Variants in IL22RA1 observed in about 807,000 individuals in gnomAD.
IL22RA1 encodes interleukin-22 receptor subunit alpha-1.
IL22RA1 carries 25 observed loss-of-function variants against 32.8 expected under a neutral mutation model. That is an observed-to-expected ratio of 0.76 (90% CI 0.55 to 1.06). The LOEUF (loss-of-function observed/expected upper bound fraction) is 1.06, where lower values mean the gene tolerates loss of function less well. Among genes scored for constraint, IL22RA1 ranks in the 50% least tolerant of loss-of-function variants. The probability of loss-of-function intolerance (pLI) is 0.00; values close to 1 mark genes in which losing one functional copy is unlikely to be tolerated. For missense variants in IL22RA1, 709 were observed against 727.4 expected (o/e 0.97, Z 0.29); for synonymous variants, 305 against 305.0 (o/e 1.00, Z 0.00).
At chr1:24,141,619 C>T (rs1330728444) in intron 1 of IL22RA1, among the ~76,000 whole-genome samples, 1 of 152,096 alleles carries the variant, frequency 6.6e-6, no homozygotes, top group Non-Finnish European at 1.5e-5. Context: ...TGAACCTAGG[C>T]CCACTCCTGT....
chr1:24,124,268 C>G (rs1257255683), intron 5 of IL22RA1, among the ~76,000 whole-genome samples: 1 of 152,096 alleles, frequency 6.6e-6, no homozygotes, highest in African/African-American at 2.4e-5. Context: ...AACAGGGAGG[C>G]CTGTCCTCTC....
chr1:24,136,574 C>T (rs1644243925), intron 3 of IL22RA1, among the ~76,000 whole-genome samples: 1 of 152,048 alleles, frequency 6.6e-6, no homozygotes, highest in Non-Finnish European at 1.5e-5. Flanking sequence ...TCAGAAGTGC[C>T]CCCAGAGAGT....
intron 5 of IL22RA1, among the ~76,000 whole-genome samples, chr1:24,126,355 T>G (rs894275184): frequency 1.3e-5 from 2 of 152,196 alleles, no homozygotes; most frequent in Non-Finnish European, 1.5e-5. Context: ...GGAAAAGTGA[T>G]GAGTTTCCGA....
intron 3 of IL22RA1, chr1:24,134,916 T>A (rs1261017511): frequency 1.3e-5 from 10 of 785,668 alleles, no homozygotes; most frequent in African/African-American, 1.9e-5. Flanking sequence ...GAGAATGTGA[T>A]GAATGCTGTG....
Position 24,136,810 on chromosome 1 carries a change from T to C in IL22RA1, c.355+321A>G, listed in dbSNP as rs1039599540. ...ATCTCTCTAAATGCTCTGTGGAGAA[T>C]GGGCTGGAGGAGGTGGTAAAGAGGA... On this transcript the variant is annotated intron_variant, in intron 3 of 6. Transcript: ENST00000270800. 3.9e-5 allele frequency among the ~76,000 whole-genome samples: 6 copies of C among 152,006 alleles called. No individual in the cohort carries two copies. The East Asian group carries it at 7.7e-4, about 20-fold the overall frequency.
chr1:24,138,816 G>C, intron 1 of IL22RA1, 102 bp from the exon 2 acceptor site: 2 of 1,426,162 alleles, frequency 1.4e-6, no homozygotes, highest in Non-Finnish European at 1.9e-6. Flanking sequence ...TTCATGCAAA[G>C]TGCCTTTGCT....
Position 24,128,896 on chromosome 1 carries a change from C to A in IL22RA1, c.532-617G>T, listed in dbSNP as rs77177740. On this transcript the variant is annotated intron_variant, in intron 4 of 6. Coordinates refer to ENST00000270800, the MANE Select transcript of IL22RA1 (RefSeq NM_021258.4). ...ATTCAAAAGGCTTTGATGGCCTCAC[C>A]CATATTTACAGAATAGAGTCCTGGT... 3.3e-5 allele frequency among the ~76,000 whole-genome samples: 5 copies of A among 152,108 alleles called. No homozygotes were observed. The East Asian group carries it at 7.7e-4, about 23-fold the overall frequency.
rs763064979 is a variant in IL22RA1, at chr1:24,121,452, C to G, written c.1078G>C (p.Gly360Arg). 6 of 1,544,722 alleles carry G rather than the reference C, an allele frequency of 3.9e-6. No individual in the cohort carries two copies. The highest frequency in any genetic ancestry group is 3.5e-6 in the Non-Finnish European group (4 of 1,143,174). ...ACCTGAGGTGCATAGGATGGGGGCC[C>G]GACCTCAGGGGCAGCGTTTGGGGCA... is the stretch of plus-strand genomic sequence containing the variant. Reference protein sequence around the residue: ...SYAPNAAPEVGPPSYAPQVTP... With the variant: ...SYAPNAAPEVRPPSYAPQVTP... Residue 360 changes from glycine (G) to arginine (R), a missense_variant, in exon 7 of 7, where the codon GGG becomes CGG. By Grantham distance (125) the Gly-to-Arg change is moderately radical (BLOSUM62 -2). Coordinates refer to ENST00000270800, the MANE Select transcript of IL22RA1 (RefSeq NM_021258.4).
Position 24,121,092 on chromosome 1 carries a change from CATT to C in IL22RA1, c.1435_1437del (p.Asn479del). 4 of 1,614,198 alleles carry C rather than the reference CATT, an allele frequency of 2.5e-6. No homozygotes were observed. Among genetic ancestry groups the C allele is most frequent in the Non-Finnish European group, 3.4e-6 (4 of 1,180,026 alleles). ...GTCCCTTCCTCCCCACTGTGTAGCA[CATT>C]TGGGTCAGATGTTCTGTCTGTGCAA... On this transcript the variant is annotated inframe_deletion, in exon 7 of 7. Coordinates refer to ENST00000270800, the MANE Select transcript of IL22RA1 (RefSeq NM_021258.4).
intron 4 of IL22RA1, among the ~76,000 whole-genome samples, chr1:24,130,519 C>T (rs943003409): frequency 6.6e-6 from 1 of 152,120 alleles, no homozygotes; most frequent in Non-Finnish European, 1.5e-5. Context: ...TAATTGCCTA[C>T]CAAAACCGGA....
At chr1:24,135,803 T>TG (rs34424126) in intron 3 of IL22RA1, among the ~76,000 whole-genome samples, 132 of 152,280 alleles carry the variant, frequency 8.7e-4, no homozygotes, top group African/African-American at 3.1e-3. Flanking sequence ...GAGAATAGCA[T>TG]GGGGGGAACC....
At chr1:24,133,222 T>A (rs778653566) in intron 4 of IL22RA1, among the ~76,000 whole-genome samples, 7 of 151,826 alleles carry the variant, frequency 4.6e-5, no homozygotes, top group Non-Finnish European at 1.0e-4. Context: ...CCAGTACCAA[T>A]TTCTGCGGCA....
rs1390906168 is a variant in IL22RA1, at chr1:24,119,782, GT to G, written c.*1022del. 6.6e-6 allele frequency: 1 copy of G among 152,216 alleles called. No homozygotes were observed. The highest frequency in any genetic ancestry group is 2.4e-5 in the African/African-American group (1 of 41,440). 9.4% of individuals were successfully genotyped at this position (152,216 alleles called of 1,614,324 possible). A position where few individuals can be genotyped will look rare whatever the true frequency, so the allele number is the denominator to read the frequency against. On this transcript the variant is annotated 3_prime_UTR_variant, in exon 7 of 7. Transcript: ENST00000270800. The stretch of plus-strand genomic sequence containing the variant: ...AAAATCACAACAGGAAATAGCTACC[GT>G]TTATTGGGCACTGCCCATGTACCAG...
Position 24,120,755 on chromosome 1 carries a change from G to C in IL22RA1, c.*50C>G, listed in dbSNP as rs183784131. On this transcript the variant is annotated 3_prime_UTR_variant, in exon 7 of 7. Coordinates refer to ENST00000270800, the MANE Select transcript of IL22RA1 (RefSeq NM_021258.4). ...AGGCATGGGATTGACAGCCAAGGAT[G>C]TGACACTGGGTAGGGACAGGGAGGA... 135 of 1,496,186 alleles carry C rather than the reference G, an allele frequency of 9.0e-5. 1 individual carries two copies. The Admixed American group carries it at 2.8e-3, about 31-fold the overall frequency. The allele number at this position is 1,496,186 out of a possible 1,614,324, so 92.7% of individuals were successfully genotyped here.
intron 6 of IL22RA1, among the ~76,000 whole-genome samples, chr1:24,121,995 G>T (rs1158144983): frequency 6.6e-6 from 1 of 152,182 alleles, no homozygotes; most frequent in Non-Finnish European, 1.5e-5. Flanking sequence ...GGTTTCTCCA[G>T]GAGGCGGATA....
At chr1:24,137,516 CTT>C (rs11428028) in intron 2 of IL22RA1, among the ~76,000 whole-genome samples, 15 of 140,038 alleles carry the variant, frequency 1.1e-4, no homozygotes, top group South Asian at 2.3e-4. Context: ...TCCTTCCTTT[CTT>C]TTTTTTTTTT....
chr1:24,128,022 T>C, intron 5 of IL22RA1, 119 bp downstream of exon 5: 1 of 1,019,530 alleles, frequency 9.8e-7, no homozygotes, highest in South Asian at 2.0e-5. Flanking sequence ...AACACACTGA[T>C]AACCCTTCCA....
chr1:24,128,434 C>T (rs1394595471), intron 4 of IL22RA1, among the ~76,000 whole-genome samples, 155 bp from the exon 5 acceptor site: 1 of 152,096 alleles, frequency 6.6e-6, no homozygotes, highest in Admixed American at 6.5e-5. Context: ...GCTTTATCCC[C>T]AAATCCAATC....
At chr1:24,138,888 A>G (rs967170230) in intron 1 of IL22RA1, among the ~76,000 whole-genome samples, 174 bp from the exon 2 acceptor site, 6 of 152,182 alleles carry the variant, frequency 3.9e-5, no homozygotes, top group Admixed American at 1.3e-4. Context: ...CTACAAATGG[A>G]CCAGCAAGAG....
Sources: gnomAD v4.1 joint callset for allele counts (sites outside exome capture counted in the v4.1 genomes callset) on GRCh38, gnomAD v4.1.1 for gene constraint, MANE v1.5 for transcripts, NCBI Gene and HGNC (gene_info 2026-07-23, HGNC 2026-07-21) for gene names.